TEC: variants seen among roughly 807,000 people sequenced by gnomAD.
The protein encoded by TEC is tyrosine-protein kinase Tec.
Under a neutral mutation model 93.0 loss-of-function variants are expected in TEC, and 72 were observed. The observed-to-expected ratio is 0.77, with a 90% CI of 0.64 to 0.94. The LOEUF (loss-of-function observed/expected upper bound fraction) is 0.94, where lower values mean the gene tolerates loss of function less well. Among genes scored for constraint, TEC ranks in the 40% least tolerant of loss-of-function variants. The pLI is 0.00. For missense variants in TEC, 630 were observed against 757.9 expected, an observed-to-expected ratio of 0.83 and a Z score of 1.98; for synonymous variants, 249 against 247.7, an observed-to-expected ratio of 1.01 and a Z score of -0.05.
In TEC at chr4:48,179,180, C is replaced by G. The variant is rs568328362; in HGVS notation, c.139-2994G>C. Among the ~76,000 whole-genome samples the G allele has an allele frequency of 8.6e-5, 13 of 151,510 alleles. No homozygotes were observed. In the Middle Eastern group the frequency reaches 0.01, roughly 119 times the overall value. On this transcript the variant is annotated intron_variant, in intron 2 of 17. Coordinates refer to ENST00000381501, the MANE Select transcript of TEC (RefSeq NM_003215.3). Reference sequence around the variant, plus strand: ...CAAGCTCATTTCCTGAGCTTGTAGCCGCAGAATTGGGCCAGGTGCTTTTAA... The same window carrying G: ...CAAGCTCATTTCCTGAGCTTGTAGCGGCAGAATTGGGCCAGGTGCTTTTAA...
At chr4:48,240,274 CA>C (rs1171174586) in intron 1 of TEC, among the ~76,000 whole-genome samples, 1 of 151,914 alleles carries the variant, frequency 6.6e-6, no homozygotes, top group Non-Finnish European at 1.5e-5. Flanking sequence ...CATAGTTTTC[CA>C]TGTCCCAGTC....
chr4:48,242,125 G>A (rs1429587754), intron 1 of TEC, among the ~76,000 whole-genome samples: 1 of 152,194 alleles, frequency 6.6e-6, no homozygotes, highest in Non-Finnish European at 1.5e-5. Flanking sequence ...ATTTCTTCCA[G>A]TGCTGTGTGA....
intron 1 of TEC, among the ~76,000 whole-genome samples, chr4:48,261,260 C>T (rs973754750): frequency 1.3e-5 from 2 of 152,228 alleles, no homozygotes; most frequent in Non-Finnish European, 2.9e-5. Flanking sequence ...ACATGTCTGA[C>T]AGCATTCAAA....
chr4:48,216,511 A>T lies in TEC; in HGVS notation c.138+11966T>A, dbSNP rs199974120. ...GTGATGTCAAATGTAGTTCTTTTTTAAAAAAAATGCAAGAAGTTACATACA... is the reference window on the plus strand; with the variant it reads ...GTGATGTCAAATGTAGTTCTTTTTTTAAAAAAATGCAAGAAGTTACATACA... On this transcript the variant is annotated intron_variant, in intron 2 of 17. Transcript: ENST00000381501. 6.0e-4 allele frequency among the ~76,000 whole-genome samples: 13 copies of T among 21,818 alleles called. No homozygotes were observed. In the East Asian group the frequency reaches 6.1e-3, roughly 10 times the overall value. The allele number at this position is 21,818 out of a possible 152,430, so 14.3% of individuals were successfully genotyped here.
chr4:48,220,703 C>T (rs181535564), intron 2 of TEC, among the ~76,000 whole-genome samples: 7 of 152,220 alleles, frequency 4.6e-5, no homozygotes, highest in African/African-American at 1.4e-4. Flanking sequence ...GACTAATACA[C>T]AGCTAAAAAG....
At chr4:48,178,906 C>A (rs1721440922) in intron 2 of TEC, among the ~76,000 whole-genome samples, 1 of 152,196 alleles carries the variant, frequency 6.6e-6, no homozygotes, top group African/African-American at 2.4e-5. Flanking sequence ...TAACCACTTG[C>A]ATCTGCCTCC....
intron 1 of TEC, among the ~76,000 whole-genome samples, chr4:48,254,303 C>A (rs1049965188): frequency 6.6e-6 from 1 of 152,144 alleles, no homozygotes; most frequent in African/African-American, 2.4e-5. Context: ...GGCTTGAACC[C>A]TAAAGGACAA....
chr4:48,168,558 TA>T (rs1720970757), intron 6 of TEC, 27 bp downstream of exon 6: 2 of 1,609,030 alleles, frequency 1.2e-6, no homozygotes, highest in Non-Finnish European at 1.7e-6. Context: ...ATGTAAAGAT[TA>T]ACTATCAAAA....
intron 2 of TEC, among the ~76,000 whole-genome samples, chr4:48,179,642 G>T (rs541289674): frequency 1.6e-4 from 25 of 151,638 alleles, no homozygotes; most frequent in Middle Eastern, 3.4e-3. Context: ...ACCCACCTCG[G>T]CCTCCCAAAG....
At chr4:48,143,535 T>G (rs547364752) in intron 14 of TEC, among the ~76,000 whole-genome samples, 1 of 152,344 alleles carries the variant, frequency 6.6e-6, no homozygotes, top group East Asian at 1.9e-4. Flanking sequence ...AGTCAAATAA[T>G]GTGACCTTTA....
intron 11 of TEC, among the ~76,000 whole-genome samples, chr4:48,149,035 T>C (rs553963202): frequency 9.2e-5 from 14 of 152,322 alleles, no homozygotes; most frequent in African/African-American, 3.1e-4. Context: ...ATAGATTCCA[T>C]GGTGTATCTG....
At chr4:48,254,278 G>C (rs1162277767) in intron 1 of TEC, among the ~76,000 whole-genome samples, 1 of 152,170 alleles carries the variant, frequency 6.6e-6, no homozygotes, top group Non-Finnish European at 1.5e-5. Flanking sequence ...AGACCAGGAG[G>C]GTACCTGCAT....
chr4:48,188,166 T>A (rs1364873267), intron 2 of TEC, among the ~76,000 whole-genome samples: 1 of 152,176 alleles, frequency 6.6e-6, no homozygotes, highest in Non-Finnish European at 1.5e-5. Flanking sequence ...TTGTGGGGAC[T>A]GAAAAACAAT....
intron 2 of TEC, among the ~76,000 whole-genome samples, chr4:48,183,361 G>A (rs1471881384): frequency 6.6e-6 from 1 of 152,184 alleles, no homozygotes; most frequent in Non-Finnish European, 1.5e-5. Flanking sequence ...GTAGGCTAAG[G>A]GATACTCAGA....
chr4:48,173,157 C>T (rs1030732613), intron 3 of TEC, among the ~76,000 whole-genome samples: 9 of 151,966 alleles, frequency 5.9e-5, no homozygotes, highest in Non-Finnish European at 1.0e-4. Context: ...TATTTAACCC[C>T]CAAATATCCC....
At chr4:48,225,440 G>C (rs1251763894) in intron 2 of TEC, among the ~76,000 whole-genome samples, 1 of 152,162 alleles carries the variant, frequency 6.6e-6, no homozygotes, top group Non-Finnish European at 1.5e-5. Context: ...GCTTCCGAAA[G>C]TGCTAGGATT....
intron 2 of TEC, among the ~76,000 whole-genome samples, chr4:48,226,588 C>T (rs1005589228): frequency 1.3e-5 from 2 of 151,808 alleles, no homozygotes; most frequent in Admixed American, 1.3e-4. Flanking sequence ...TTTTGTCTAG[C>T]TTACTTTATT....
At chr4:48,262,405 C>A (rs1724519171) in intron 1 of TEC, among the ~76,000 whole-genome samples, 2 of 151,724 alleles carry the variant, frequency 1.3e-5, no homozygotes, top group African/African-American at 4.8e-5. Flanking sequence ...CCATATTGGC[C>A]AGGCTGGTCT....
rs1474142023 is a variant in TEC, at chr4:48,168,609, G to C, written c.472C>G (p.Pro158Ala). 9 of 1,604,222 alleles carry C rather than the reference G, an allele frequency of 5.6e-6. No homozygotes were observed. Among genetic ancestry groups the C allele is most frequent in the Non-Finnish European group, 7.6e-6 (9 of 1,177,734 alleles). ...LFESSIRKAL[P>A]PAPETKKRRP... ...ACCTTCTTTGTTTCTGGTGCTGGAG[G>C]TAGTGCTTTTCTTATACCTGAAAAT... The change falls in exon 6 of 18, where the codon CCT becomes GCT. Residue 158 changes from proline (P) to alanine (A), a missense_variant. Physicochemically the swap from Pro to Ala is conservative, Grantham distance 27. Transcript: ENST00000381501.
Sources: allele counts gnomAD v4.1 joint callset (sites outside exome capture counted in the v4.1 genomes callset), GRCh38; gene constraint gnomAD v4.1.1; transcripts MANE v1.5; gene names NCBI Gene and HGNC (gene_info 2026-07-23, HGNC 2026-07-21).